The following MTBP variants were observed in gnomAD, a reference collection of about 807,000 sequenced individuals.
MTBP encodes mdm2-binding protein.
In MTBP, 101 loss-of-function variants were observed where a neutral mutation model predicts 117.0. The ratio of observed to expected loss-of-function variants is 0.86; its 90% CI spans 0.73 to 1.02. The LOEUF is 1.02. MTBP is among the 50% of genes least tolerant of loss of function. The pLI is 0.00. For synonymous variants in MTBP, 350 were observed against 351.5 expected (o/e 1.00, Z 0.05); for missense variants, 970 against 1,030.9 (o/e 0.94, Z 0.81).
intron 7 of MTBP, among the ~76,000 whole-genome samples, chr8:120,458,043 G>A (rs1813507759): frequency 6.6e-6 from 1 of 151,896 alleles, no homozygotes; most frequent in Admixed American, 6.6e-5. Context: ...TTCTGAAACT[G>A]CATGCTTACA....
chr8:120,498,910 A>C (rs1490155665), intron 14 of MTBP, among the ~76,000 whole-genome samples: 3 of 152,146 alleles, frequency 2.0e-5, no homozygotes, highest in African/African-American at 4.8e-5. Flanking sequence ...AATAATTGCT[A>C]GGGCTTTTAT....
intron 14 of MTBP, among the ~76,000 whole-genome samples, chr8:120,500,502 A>G (rs978868083): frequency 6.6e-6 from 1 of 152,088 alleles, no homozygotes; most frequent in Non-Finnish European, 1.5e-5. Flanking sequence ...AATGCAAGTG[A>G]TTTTTTTCTT....
At chr8:120,456,238 G>T (rs1352844699) in intron 6 of MTBP, among the ~76,000 whole-genome samples, 1 of 152,106 alleles carries the variant, frequency 6.6e-6, no homozygotes, top group Non-Finnish European at 1.5e-5. Flanking sequence ...TCTTTTTGAA[G>T]ATAAGGAAGT....
At chr8:120,460,447 C>T (rs1208771472) in intron 8 of MTBP, among the ~76,000 whole-genome samples, 1 of 152,050 alleles carries the variant, frequency 6.6e-6, no homozygotes, top group Non-Finnish European at 1.5e-5. Flanking sequence ...TGAAATTACT[C>T]TGCTTTTTAC....
chr8:120,459,398 C>A (rs759524452), intron 8 of MTBP, 49 bp downstream of exon 8: 169 of 1,538,272 alleles, frequency 1.1e-4, no homozygotes, highest in Non-Finnish European at 7.0e-5. Context: ...TATTTTTGTT[C>A]CTATAAAATA....
At position 120,488,290 on chromosome 8, in the gene MTBP, A is replaced by G. The variant is rs774889380; in HGVS notation, c.1297A>G (p.Ile433Val). The G allele has an allele frequency of 6.4e-7, 1 of 1,568,838 alleles. No homozygotes were observed. Among genetic ancestry groups the G allele is most frequent in the Admixed American group, 2.0e-5 (1 of 49,192 alleles). ...CAATGGCTCATTTGCACTCAATTTA[A>G]TTCATGGAAAGATGAAAACAAAGAC... ...QINGSFALNL[I>V]HGKMKTKTEE... Residue 433 changes from isoleucine to valine, a missense_variant, in exon 12 of 22, where the codon ATT becomes GTT. By Grantham distance (29) the Ile-to-Val change is conservative (BLOSUM62 3). Transcript: ENST00000305949.
chr8:120,522,760 G>T, intron 21 of MTBP, 41 bp downstream of exon 21: 2 of 1,477,316 alleles, frequency 1.4e-6, no homozygotes, highest in Non-Finnish European at 1.9e-6. Context: ...CAATTAAATT[G>T]GTATTTTATT....
At chr8:120,449,331 G>A (rs1443915094) in intron 2 of MTBP, among the ~76,000 whole-genome samples, 1 of 152,130 alleles carries the variant, frequency 6.6e-6, no homozygotes, top group Non-Finnish European at 1.5e-5. Context: ...GGAATATGAC[G>A]TGTTCAGTTT....
At position 120,446,512 on chromosome 8, in the gene MTBP, TG is replaced by T; in HGVS notation, c.199+1del. The T allele has an allele frequency of 6.5e-7, 1 of 1,531,134 alleles. No individual in the cohort carries two copies. Among genetic ancestry groups the T allele is most frequent in the Non-Finnish European group, 9.1e-7 (1 of 1,104,912 alleles). 94.8% of individuals were successfully genotyped at this position (1,531,134 alleles called of 1,614,324 possible). A position where few individuals can be genotyped will look rare whatever the true frequency, so the allele number is the denominator to read the frequency against. ...TTAATCCAGAAGATAGTACTTTCCC[TG>T]GTAAGTATAATAAACTCCTCTTTTC... Reference protein sequence around the residue: ...SINPEDSTFPACSVGGIPGSK... With the variant: ...SINPEDSTFPXCSVGGIPGSK... On this transcript the variant is annotated frameshift_variant and splice_region_variant, in exon 2 of 22. Coordinates refer to ENST00000305949, the MANE Select transcript of MTBP (RefSeq NM_022045.5). LOFTEE classifies it high-confidence loss of function.
intron 14 of MTBP, among the ~76,000 whole-genome samples, chr8:120,500,027 A>G (rs889556617): frequency 1.3e-5 from 2 of 152,196 alleles, no homozygotes; most frequent in African/African-American, 2.4e-5. Flanking sequence ...TGATTTATTC[A>G]TATTTAAGTA....
chr8:120,513,207 A>G (rs374023058), intron 17 of MTBP, among the ~76,000 whole-genome samples: 1 of 152,044 alleles, frequency 6.6e-6, no homozygotes, highest in East Asian at 1.9e-4. Context: ...CATTGCTTTG[A>G]AACTTCCTTC....
chr8:120,489,483 G>A (rs7826906), intron 12 of MTBP, among the ~76,000 whole-genome samples: 133,057 of 152,166 alleles, frequency 0.87, 58,338 homozygotes, highest in Non-Finnish European at 0.91. Context: ...ATAATTAGCA[G>A]TCTTAAGGGA....
chr8:120,497,338 G>T, intron 13 of MTBP, 55 bp from the exon 14 acceptor site: 1 of 1,436,308 alleles, frequency 7.0e-7, no homozygotes, highest in Non-Finnish European at 9.4e-7. Flanking sequence ...CAAAAGACTA[G>T]TAGATGAGCT....
At chr8:120,494,374 T>TG (rs1206047336) in intron 13 of MTBP, among the ~76,000 whole-genome samples, 1 of 152,178 alleles carries the variant, frequency 6.6e-6, no homozygotes, top group Non-Finnish European at 1.5e-5. Flanking sequence ...TGTTTTAAAA[T>TG]GGACTATTTT....
intron 21 of MTBP, 57 bp downstream of exon 21, chr8:120,522,776 G>GCAACCCTGAAA: frequency 7.3e-7 from 1 of 1,372,346 alleles, no homozygotes; most frequent in Non-Finnish European, 1.0e-6. Context: ...TTATTTCAGG[G>GCAACCCTGAAA]TTGCTCTGAT....
At chr8:120,486,705 G>A (rs1009954328) in intron 11 of MTBP, among the ~76,000 whole-genome samples, 1 of 152,060 alleles carries the variant, frequency 6.6e-6, no homozygotes, top group Non-Finnish European at 1.5e-5. Context: ...CGCTTGGATT[G>A]GAGTTTCTGT....
chr8:120,455,569 C>A lies in MTBP; in HGVS notation c.619C>A (p.His207Asn), dbSNP rs1229105173. 23 of 1,608,010 alleles carry A rather than the reference C, an allele frequency of 1.4e-5. No individual in the cohort carries two copies. The highest frequency in any genetic ancestry group is 2.0e-5 in the Non-Finnish European group (23 of 1,178,358). The change falls in exon 6 of 22, where the codon CAT becomes AAT. Residue 207 changes from histidine (H) to asparagine (N), a missense_variant. Coordinates refer to ENST00000305949, the MANE Select transcript of MTBP (RefSeq NM_022045.5). ...YSAKITIAGN[H>N]CEINCQKIAE... ...AGCAAAGATCACTATAGCAGGAAAT[C>A]ATTGTGAAATGTAAGCTTCTTTGTT...
intron 10 of MTBP, among the ~76,000 whole-genome samples, chr8:120,470,466 G>T (rs1813794556): frequency 6.6e-6 from 1 of 152,180 alleles, no homozygotes; most frequent in African/African-American, 2.4e-5. Flanking sequence ...TTTGGTGCTA[G>T]AACTCAGCCT....
chr8:120,520,742 T>C (rs1051736956), intron 20 of MTBP, among the ~76,000 whole-genome samples: 2 of 151,830 alleles, frequency 1.3e-5, no homozygotes, highest in African/African-American at 4.8e-5. Context: ...TAGAAGATAG[T>C]AGAAAAGTAT....
Sources: allele counts gnomAD v4.1 joint callset (sites outside exome capture counted in the v4.1 genomes callset), GRCh38; gene constraint gnomAD v4.1.1; transcripts MANE v1.5; gene names NCBI Gene and HGNC (gene_info 2026-07-23, HGNC 2026-07-21).